ATRN: variants seen among roughly 807,000 people sequenced by gnomAD.
The protein encoded by ATRN is attractin-2.
Under a neutral mutation model 178.7 loss-of-function variants are expected in ATRN, and 54 were observed. The observed-to-expected ratio is 0.30, with a 90% CI of 0.24 to 0.38. The LOEUF is 0.38. Among genes scored for constraint, ATRN ranks in the 10% least tolerant of loss-of-function variants. ATRN has a pLI of 1.00. For missense variants in ATRN, 1,443 were observed against 1,815.1 expected, an observed-to-expected ratio of 0.79 and a Z score of 3.73; for synonymous variants, 636 against 663.0, an observed-to-expected ratio of 0.96 and a Z score of 0.63.
At chr20:3,542,996 C>T (rs1027166338) in intron 3 of ATRN, among the ~76,000 whole-genome samples, 2 of 152,092 alleles carry the variant, frequency 1.3e-5, no homozygotes, top group African/African-American at 4.8e-5. Flanking sequence ...AGTACTTATT[C>T]CTTCTGCATT....
chr20:3,612,254 A>G (rs1366022511), intron 24 of ATRN, among the ~76,000 whole-genome samples: 1 of 152,236 alleles, frequency 6.6e-6, no homozygotes, highest in African/African-American at 2.4e-5. Context: ...TGCTGATTGA[A>G]AAAGAAAATC....
At chr20:3,630,504 T>C (rs953309654) in intron 25 of ATRN, among the ~76,000 whole-genome samples, 15 of 152,192 alleles carry the variant, frequency 9.9e-5, no homozygotes, top group Non-Finnish European at 1.9e-4. Context: ...TGGCTTGCTT[T>C]TAAGGGATGT....
At chr20:3,527,211 A>G (rs1373464331) in intron 1 of ATRN, among the ~76,000 whole-genome samples, 1 of 151,868 alleles carries the variant, frequency 6.6e-6, no homozygotes, top group Non-Finnish European at 1.5e-5. Flanking sequence ...CAGAATCTAC[A>G]AAGACCAAAT....
intron 12 of ATRN, among the ~76,000 whole-genome samples, chr20:3,574,831 A>G (rs2086181127): frequency 6.6e-6 from 1 of 152,164 alleles, no homozygotes; most frequent in African/African-American, 2.4e-5. Context: ...GGACAGGAAG[A>G]GCAGCCTAAG....
intron 24 of ATRN, 136 bp downstream of exon 24, chr20:3,604,398 G>A (rs1344957396): frequency 1.0e-6 from 1 of 999,530 alleles, no homozygotes; most frequent in African/African-American, 1.6e-5. Context: ...TGGCAGAGGA[G>A]TGCTGAGCAC....
At chr20:3,548,209 G>A (rs1454566522) in intron 5 of ATRN, among the ~76,000 whole-genome samples, 4 of 152,030 alleles carry the variant, frequency 2.6e-5, no homozygotes, top group African/African-American at 4.8e-5. Context: ...GATTGCTCCC[G>A]GGTCTAGTTA....
chr20:3,491,083 T>C, intron 1 of ATRN: 1 of 715,512 alleles, frequency 1.4e-6, no homozygotes, highest in Admixed American at 2.3e-5. Context: ...CAGTGGACTT[T>C]TTGCACCTTT....
intron 18 of ATRN, 108 bp from the exon 19 acceptor site, chr20:3,591,061 T>C (rs2086434929): frequency 8.2e-7 from 1 of 1,224,282 alleles, no homozygotes. Flanking sequence ...TTTTGGTGAT[T>C]TATCAAAGAT....
At chr20:3,504,408 G>A (rs2085007988) in intron 1 of ATRN, among the ~76,000 whole-genome samples, 1 of 151,606 alleles carries the variant, frequency 6.6e-6, no homozygotes, top group African/African-American at 2.4e-5. Context: ...CGGGTGCAGT[G>A]CCAACGCCTG....
chr20:3,590,806 A>G (rs1042990736), intron 18 of ATRN, among the ~76,000 whole-genome samples: 6 of 152,230 alleles, frequency 3.9e-5, no homozygotes, highest in African/African-American at 1.4e-4. Flanking sequence ...AAATACCAGA[A>G]GAAAATATAT....
At chr20:3,487,262 GTCT>G (rs2084707082) in intron 1 of ATRN, among the ~76,000 whole-genome samples, 1 of 151,914 alleles carries the variant, frequency 6.6e-6, no homozygotes, top group East Asian at 1.9e-4. Flanking sequence ...TTGAGACCGA[GTCT>G]TCTTGTTGCC....
At chr20:3,511,592 C>T (rs910967271) in intron 1 of ATRN, among the ~76,000 whole-genome samples, 8 of 152,108 alleles carry the variant, frequency 5.3e-5, no homozygotes, top group Non-Finnish European at 8.8e-5. Context: ...TAGACATTAA[C>T]TCTGTTTATC....
intron 24 of ATRN, among the ~76,000 whole-genome samples, chr20:3,613,417 C>T (rs919171338): frequency 5.3e-5 from 8 of 152,168 alleles, no homozygotes; most frequent in African/African-American, 1.9e-4. Context: ...CTCGTGTCTT[C>T]CTGGGTAAAT....
chr20:3,556,909 G>C (rs1568727756), intron 6 of ATRN, among the ~76,000 whole-genome samples: 1 of 152,124 alleles, frequency 6.6e-6, no homozygotes, highest in Admixed American at 6.5e-5. Context: ...CAAGCTCTTG[G>C]TCTGACTTGT....
At chr20:3,562,186 T>C in intron 8 of ATRN, 90 bp from the exon 9 acceptor site, 1 of 1,104,364 alleles carries the variant, frequency 9.1e-7, no homozygotes, top group East Asian at 2.4e-5. Flanking sequence ...TCTCCTGAAA[T>C]CCATTCTCAT....
intron 3 of ATRN, among the ~76,000 whole-genome samples, chr20:3,545,059 C>G (rs530880484): frequency 1.3e-5 from 2 of 152,000 alleles, no homozygotes; most frequent in African/African-American, 4.8e-5. Context: ...TCTTCGTATT[C>G]TTATATAAAT....
At chr20:3,561,975 C>G (rs235575) in intron 8 of ATRN, among the ~76,000 whole-genome samples, 11 of 152,068 alleles carry the variant, frequency 7.2e-5, no homozygotes, top group African/African-American at 2.4e-4. Flanking sequence ...ATCCTCCCAC[C>G]TTAGCCTCCC....
chr20:3,508,075 G>A (rs1302282324), intron 1 of ATRN, among the ~76,000 whole-genome samples: 3 of 152,000 alleles, frequency 2.0e-5, no homozygotes, highest in South Asian at 2.1e-4. Flanking sequence ...AAGGCTGGGC[G>A]TGATGGCTCA....
In ATRN at chr20:3,575,835, C is replaced by T. The variant is rs1366527803; in HGVS notation, c.2101C>T (p.His701Tyr). ...SECFSKRTLDHDRCDQHTDCY... is the reference protein window; with the variant it reads ...SECFSKRTLDYDRCDQHTDCY... The stretch of plus-strand genomic sequence containing the variant: ...TTTTGTTTTCTTTGCAGCTCTTGAC[C>T]ATGACAGATGTGACCAGCACACAGA... Residue 701 changes from histidine to tyrosine, a missense_variant, in exon 13 of 29, where the codon CAT (histidine) becomes TAT (tyrosine). Physicochemically the swap from His to Tyr is moderately conservative, Grantham distance 83 (BLOSUM62 2). This residue lies in a region of ATRN where 862 missense variants were observed against 972.1 expected (regional missense o/e 0.89). Coordinates refer to ENST00000262919, the MANE Select transcript of ATRN (RefSeq NM_139321.3). The T allele has an allele frequency of 6.2e-7, 1 of 1,607,166 alleles. No individual in the cohort carries two copies. The highest frequency in any genetic ancestry group is 1.3e-5 in the African/African-American group (1 of 74,622).
Sources: gnomAD v4.1 joint callset for allele counts (sites outside exome capture counted in the v4.1 genomes callset) on GRCh38, gnomAD v4.1.1 for gene constraint, gnomAD v4.1.1 regional missense constraint, MANE v1.5 for transcripts, NCBI Gene and HGNC (gene_info 2026-07-23, HGNC 2026-07-21) for gene names.